The following AFF3 variants were observed in gnomAD, a reference collection of about 807,000 sequenced individuals.
AFF3 encodes the protein ALF transcription elongation factor 3, also known as AF4/FMR2 family member 3.
Under a neutral mutation model 129.7 loss-of-function variants are expected in AFF3, and 32 were observed. The ratio of observed to expected loss-of-function variants is 0.25; its 90% CI spans 0.19 to 0.33. AFF3 has a LOEUF of 0.33. Ranked by LOEUF, AFF3 falls within the 10% of genes least tolerant of loss-of-function variation. The pLI is 1.00. For synonymous variants in AFF3, 644 were observed against 635.4 expected (o/e 1.01, Z -0.20); for missense variants, 1,373 against 1,592.0 (o/e 0.86, Z 2.34).
chr2:99,872,490 C>T (rs1023988960), intron 7 of AFF3, among the ~76,000 whole-genome samples: 1 of 151,788 alleles, frequency 6.6e-6, no homozygotes, highest in Non-Finnish European at 1.5e-5. Context: ...CCCTCCAACC[C>T]GAGGAGAAAT....
intron 13 of AFF3, among the ~76,000 whole-genome samples, chr2:99,623,730 G>A (rs546985170): frequency 4.6e-5 from 7 of 152,190 alleles, no homozygotes; most frequent in Non-Finnish European, 8.8e-5. Context: ...GGCAAAACGC[G>A]GGTGCCATGT....
At chr2:100,070,990 G>A (rs565826219) in intron 4 of AFF3, among the ~76,000 whole-genome samples, 1 of 152,050 alleles carries the variant, frequency 6.6e-6, no homozygotes, top group Non-Finnish European at 1.5e-5. Context: ...TATTAAAATT[G>A]CTGATAGGAA....
chr2:99,846,046 A>G (rs1428341072), intron 7 of AFF3, among the ~76,000 whole-genome samples: 1 of 151,502 alleles, frequency 6.6e-6, no homozygotes, highest in African/African-American at 2.4e-5. Context: ...GTTAGCCAGG[A>G]TGGTCTCGAT....
chr2:99,582,830 T>C lies in AFF3; in HGVS notation c.2761A>G (p.Ser921Gly). The C allele has an allele frequency of 6.2e-7, 1 of 1,614,240 alleles. No individual in the cohort carries two copies. The highest frequency in any genetic ancestry group is 8.5e-7 in the Non-Finnish European group (1 of 1,180,046). ...ASSSKKPKAD[S>G]QLQPHGGDLT... ...TCTCCGCCGTGAGGCTGCAGCTGGCTGTCGGCCTTAGGCTTTTTGCTGGAA... is the reference window on the plus strand; with the variant it reads ...TCTCCGCCGTGAGGCTGCAGCTGGCCGTCGGCCTTAGGCTTTTTGCTGGAA... Residue 921 changes from serine (S) to glycine (G), a missense_variant, in exon 17 of 25, where the codon AGC becomes GGC. Ser to Gly is a moderately conservative substitution (Grantham distance 56, BLOSUM62 0). Transcript: ENST00000672756.
intron 4 of AFF3, among the ~76,000 whole-genome samples, chr2:100,026,299 G>T (rs1279402956): frequency 6.6e-6 from 1 of 152,110 alleles, no homozygotes; most frequent in Non-Finnish European, 1.5e-5. Context: ...ATGAAAAAAT[G>T]CTCAACATCA....
intron 10 of AFF3, among the ~76,000 whole-genome samples, chr2:99,732,700 T>G (rs945928452): frequency 6.6e-6 from 1 of 152,184 alleles, no homozygotes; most frequent in Admixed American, 6.5e-5. Flanking sequence ...CAAACATTCA[T>G]GAACACCCTT....
intron 7 of AFF3, among the ~76,000 whole-genome samples, chr2:99,868,016 C>CTTTTTT (rs531223035): frequency 1.5e-5 from 2 of 136,160 alleles, no homozygotes; most frequent in East Asian, 2.0e-4. Flanking sequence ...CTCTTTCTTT[C>CTTTTTT]CTTTTTTTTT....
In AFF3 at chr2:99,727,137, G is replaced by C; in HGVS notation, c.1040-9C>G. The C allele has an allele frequency of 1.9e-6, 3 of 1,606,836 alleles. 1 individual carries two copies. The highest frequency in any genetic ancestry group is 2.2e-5 in the South Asian group (2 of 89,536). ...CTCTGCATCACCTTTCTCTTAAAAA[G>C]GAAGCAGAAAAAAATACCGACATAT... On this transcript the variant is annotated splice_polypyrimidine_tract_variant and intron_variant, in intron 10 of 24. Transcript: ENST00000672756.
chr2:99,688,638 C>A (rs527502776), intron 11 of AFF3, among the ~76,000 whole-genome samples: 2 of 152,158 alleles, frequency 1.3e-5, no homozygotes, highest in South Asian at 4.2e-4. Context: ...ATGATTCTAC[C>A]CCTTTCTGGC....
intron 11 of AFF3, among the ~76,000 whole-genome samples, chr2:99,695,962 C>CCAAAAAAA (rs1676212242): frequency 1.1e-5 from 1 of 90,068 alleles, no homozygotes; most frequent in African/African-American, 5.1e-5. Context: ...AAAAAAAAAC[C>CCAAAAAAA]AAAAGAAAAA....
intron 13 of AFF3, among the ~76,000 whole-genome samples, chr2:99,623,624 G>T (rs1356029866): frequency 6.6e-6 from 1 of 152,178 alleles, no homozygotes; most frequent in African/African-American, 2.4e-5. Context: ...TGCAACCTTT[G>T]AACTGGGACA....
chr2:99,804,263 A>C (rs1279683526), intron 8 of AFF3, among the ~76,000 whole-genome samples: 1 of 152,228 alleles, frequency 6.6e-6, no homozygotes, highest in African/African-American at 2.4e-5. Flanking sequence ...ATCCCATCAA[A>C]ACATAGGCAA....
At chr2:99,582,759 AT>A in intron 17 of AFF3, 38 bp downstream of exon 17, 1 of 1,605,788 alleles carries the variant, frequency 6.2e-7, no homozygotes, top group Non-Finnish European at 8.5e-7. Context: ...GCTCAATTTC[AT>A]TTTGGTTTTA....
intron 7 of AFF3, among the ~76,000 whole-genome samples, chr2:99,974,889 T>C (rs1678725684): frequency 6.6e-6 from 1 of 152,158 alleles, no homozygotes; most frequent in Non-Finnish European, 1.5e-5. Flanking sequence ...GAGTGAATGA[T>C]GGTCTGGGAA....
chr2:99,885,473 A>G (rs1322678331), intron 7 of AFF3, among the ~76,000 whole-genome samples: 1 of 152,224 alleles, frequency 6.6e-6, no homozygotes, highest in African/African-American at 2.4e-5. Flanking sequence ...TACCCAGAGT[A>G]AAGACTAAAA....
At position 99,837,465 on chromosome 2, in the gene AFF3, G is replaced by C. The variant is rs372832988; in HGVS notation, c.921+12C>G. 129 of 1,611,100 alleles carry C rather than the reference G, an allele frequency of 8.0e-5. No homozygotes were observed. The highest frequency in any genetic ancestry group is 1.0e-4 in the Non-Finnish European group (123 of 1,177,562). ...CCACAGATTGATAAGACTGTTTAAAGAATAATCTTACCCGGATTATTTCTT... is the reference window on the plus strand; with the variant it reads ...CCACAGATTGATAAGACTGTTTAAACAATAATCTTACCCGGATTATTTCTT... On this transcript the variant is annotated intron_variant, in intron 8 of 24. Transcript: ENST00000672756.
chr2:99,692,510 G>T (rs1269362519), intron 11 of AFF3, among the ~76,000 whole-genome samples: 1 of 152,200 alleles, frequency 6.6e-6, no homozygotes, highest in Non-Finnish European at 1.5e-5. Context: ...CTGGAAGAAG[G>T]TTAGGAGGGG....
At chr2:99,893,712 T>C (rs1171015425) in intron 7 of AFF3, among the ~76,000 whole-genome samples, 1 of 152,248 alleles carries the variant, frequency 6.6e-6, no homozygotes, top group Admixed American at 6.5e-5. Context: ...CTGATGGTTT[T>C]ATAAACTAGA....
intron 9 of AFF3, 135 bp downstream of exon 9, chr2:99,752,086 T>C (rs1371968842): frequency 4.1e-6 from 3 of 731,904 alleles, no homozygotes; most frequent in African/African-American, 3.5e-5. Context: ...CGCTTGCAAA[T>C]TGTGAAGGAT....
Sources: gnomAD v4.1 joint callset for allele counts (sites outside exome capture counted in the v4.1 genomes callset) on GRCh38, gnomAD v4.1.1 for gene constraint, MANE v1.5 for transcripts, NCBI Gene and HGNC (gene_info 2026-07-23, HGNC 2026-07-21) for gene names.